GPC6: variants seen among roughly 807,000 people sequenced by gnomAD.
GPC6 encodes glypican 6, also known as glypican-6.
Under a neutral mutation model 55.2 loss-of-function variants are expected in GPC6, and 14 were observed. That is an observed-to-expected ratio of 0.25 (90% CI 0.17 to 0.40). GPC6 has a LOEUF of 0.40. Among genes scored for constraint, GPC6 ranks in the 10% least tolerant of loss-of-function variants. GPC6 has a pLI of 1.00. For missense variants in GPC6, 641 were observed against 708.5 expected, an observed-to-expected ratio of 0.90 and a Z score of 1.08; for synonymous variants, 278 against 259.6, an observed-to-expected ratio of 1.07 and a Z score of -0.68.
At chr13:93,662,388 G>A (rs562654370) in intron 2 of GPC6, among the ~76,000 whole-genome samples, 8 of 152,142 alleles carry the variant, frequency 5.3e-5, no homozygotes, top group Non-Finnish European at 1.2e-4. Context: ...CCAGCATTTT[G>A]GGAGGCCGAG....
intron 2 of GPC6, 78 bp downstream of exon 2, chr13:93,545,499 T>A: frequency 1.6e-6 from 2 of 1,265,818 alleles, no homozygotes; most frequent in Non-Finnish European, 2.3e-6. Context: ...TGAAAAATAT[T>A]TTTTTAAAAA....
At chr13:94,046,228 A>T (rs1041434095) in intron 4 of GPC6, among the ~76,000 whole-genome samples, 1 of 152,050 alleles carries the variant, frequency 6.6e-6, no homozygotes, top group African/African-American at 2.4e-5. Context: ...TACATGTATA[A>T]AATGTTGCAC....
chr13:93,940,784 C>T (rs1878697895), intron 3 of GPC6, among the ~76,000 whole-genome samples: 1 of 151,960 alleles, frequency 6.6e-6, no homozygotes, highest in Non-Finnish European at 1.5e-5. Flanking sequence ...TTGAAGAGTC[C>T]TTATCTCATC....
chr13:93,562,345 G>A (rs1337901971), intron 2 of GPC6, among the ~76,000 whole-genome samples: 3 of 151,834 alleles, frequency 2.0e-5, no homozygotes, highest in East Asian at 1.9e-4. Context: ...CATTTTAAAC[G>A]TATAACATAT....
intron 3 of GPC6, among the ~76,000 whole-genome samples, chr13:93,989,252 G>A (rs2140413285): frequency 6.6e-6 from 1 of 152,256 alleles, no homozygotes; most frequent in East Asian, 1.9e-4. Flanking sequence ...GTACATGTCT[G>A]TTTTATCTGT....
Position 93,441,393 on chromosome 13 carries a change from G to T in GPC6, c.161-103870G>T, listed in dbSNP as rs9556290. 0.012 allele frequency among the ~76,000 whole-genome samples: 1,755 copies of T among 152,186 alleles called. 214 individuals carry two copies. The East Asian group carries it at 0.28, about 24-fold the overall frequency. The stretch of plus-strand genomic sequence containing the variant: ...CTTTTTAATGATCCCCATTCTAACT[G>T]GTGTGAGATGGTATCTCATTGTGGT... On this transcript the variant is annotated intron_variant, in intron 1 of 8. Coordinates refer to ENST00000377047, the MANE Select transcript of GPC6 (RefSeq NM_005708.5).
chr13:94,310,008 G>A (rs1876156951), intron 6 of GPC6, among the ~76,000 whole-genome samples: 1 of 152,122 alleles, frequency 6.6e-6, no homozygotes, highest in South Asian at 2.1e-4. Context: ...TTTTTTAAAA[G>A]ACGGTTCCAA....
chr13:93,948,540 A>G (rs1879113433), intron 3 of GPC6, among the ~76,000 whole-genome samples: 1 of 152,204 alleles, frequency 6.6e-6, no homozygotes, highest in Non-Finnish European at 1.5e-5. Context: ...AATGTTAGGT[A>G]TGGGTTTAAA....
chr13:93,818,959 G>T (rs1448558114), intron 2 of GPC6, among the ~76,000 whole-genome samples: 4 of 152,032 alleles, frequency 2.6e-5, no homozygotes, highest in Non-Finnish European at 4.4e-5. Flanking sequence ...TCTCAATCTT[G>T]GCTGCACACT....
chr13:93,879,016 C>G (rs969890066), intron 3 of GPC6, among the ~76,000 whole-genome samples: 1 of 151,762 alleles, frequency 6.6e-6, no homozygotes, highest in Non-Finnish European at 1.5e-5. Flanking sequence ...AAGCGTTTCT[C>G]AAAAGTGGGA....
intron 1 of GPC6, among the ~76,000 whole-genome samples, chr13:93,396,326 A>T (rs1875852882): frequency 6.6e-6 from 1 of 152,172 alleles, no homozygotes; most frequent in Admixed American, 6.5e-5. Flanking sequence ...GCAATTTTGG[A>T]GGCCGAGGTG....
intron 4 of GPC6, among the ~76,000 whole-genome samples, chr13:94,203,758 G>A (rs1457713947): frequency 1.3e-5 from 2 of 151,988 alleles, no homozygotes; most frequent in Non-Finnish European, 2.9e-5. Flanking sequence ...AAATCTGTAC[G>A]TTTCTTCTCT....
At chr13:94,076,279 A>G (rs1052764806) in intron 4 of GPC6, among the ~76,000 whole-genome samples, 10 of 151,924 alleles carry the variant, frequency 6.6e-5, no homozygotes, top group Non-Finnish European at 1.5e-4. Context: ...AGAAATGTCC[A>G]TTAATGTCCT....
chr13:94,079,882 C>T (rs1566376045), intron 4 of GPC6, among the ~76,000 whole-genome samples: 2 of 152,148 alleles, frequency 1.3e-5, no homozygotes, highest in African/African-American at 2.4e-5. Flanking sequence ...TTGCCTGACA[C>T]ATAAGAGTGC....
intron 1 of GPC6, among the ~76,000 whole-genome samples, chr13:93,267,153 T>C (rs1877350858): frequency 6.6e-6 from 1 of 152,204 alleles, no homozygotes; most frequent in Non-Finnish European, 1.5e-5. Context: ...GAGATTTACA[T>C]GTTAGATCTT....
intron 2 of GPC6, among the ~76,000 whole-genome samples, chr13:93,713,052 C>G (rs1456016340): frequency 3.3e-5 from 5 of 151,148 alleles, no homozygotes; most frequent in African/African-American, 1.2e-4. Flanking sequence ...TATTAAAAAC[C>G]TCTTAGCAAT....
chr13:93,761,146 G>A (rs1884941690), intron 2 of GPC6, among the ~76,000 whole-genome samples: 1 of 152,042 alleles, frequency 6.6e-6, no homozygotes, highest in Admixed American at 6.6e-5. Flanking sequence ...TGAAGAAAAT[G>A]ATCAGTTTGC....
At chr13:93,246,336 C>A (rs1433991002) in intron 1 of GPC6, among the ~76,000 whole-genome samples, 1 of 152,120 alleles carries the variant, frequency 6.6e-6, no homozygotes, top group East Asian at 1.9e-4. Context: ...CAATTGGCTT[C>A]CTCTCTTTGT....
At chr13:94,051,391 G>T (rs985253696) in intron 4 of GPC6, among the ~76,000 whole-genome samples, 1 of 152,230 alleles carries the variant, frequency 6.6e-6, no homozygotes, top group African/African-American at 2.4e-5. Context: ...TTAAGGTGCT[G>T]CTTTAACAGC....
Sources: allele counts gnomAD v4.1 joint callset (sites outside exome capture counted in the v4.1 genomes callset), GRCh38; gene constraint gnomAD v4.1.1; transcripts MANE v1.5; gene names NCBI Gene and HGNC (gene_info 2026-07-23, HGNC 2026-07-21).